EYS: variants seen among roughly 807,000 people sequenced by gnomAD.
EYS encodes the protein EGF-like photoreceptor maintenance factor.
Under a neutral mutation model 282.1 loss-of-function variants are expected in EYS, and 250 were observed. The observed-to-expected ratio is 0.89, with a 90% CI of 0.80 to 0.98. The LOEUF (loss-of-function observed/expected upper bound fraction) is 0.98, where lower values mean the gene tolerates loss of function less well. Ranked by LOEUF, EYS falls within the 50% of genes least tolerant of loss-of-function variation. EYS has a pLI of 0.00. For synonymous variants in EYS, 1,355 were observed against 1,282.9 expected, an observed-to-expected ratio of 1.06 and a Z score of -1.20; for missense variants, 4,016 against 3,709.0, an observed-to-expected ratio of 1.08 and a Z score of -2.15.
intron 2 of EYS, among the ~76,000 whole-genome samples, chr6:65,630,438 A>G (rs1766870484): frequency 6.6e-6 from 1 of 152,226 alleles, no homozygotes; most frequent in Admixed American, 6.5e-5. Context: ...TTCTTAATAG[A>G]GCATTTTTCT....
At chr6:64,723,888 A>G (rs77695316) in intron 22 of EYS, among the ~76,000 whole-genome samples, 2,530 of 152,192 alleles carry the variant, frequency 0.017, 67 homozygotes, top group African/African-American at 0.057. Context: ...CACTGTGCCT[A>G]GTGGTCAGCA....
At chr6:64,009,096 A>G (rs1357816994) in intron 33 of EYS, among the ~76,000 whole-genome samples, 1 of 152,088 alleles carries the variant, frequency 6.6e-6, no homozygotes, top group Admixed American at 6.5e-5. Flanking sequence ...TCTTTCAGGG[A>G]TGCCAATGAG....
chr6:65,187,716 T>G (rs1036191685), intron 12 of EYS, among the ~76,000 whole-genome samples: 1 of 151,728 alleles, frequency 6.6e-6, no homozygotes, highest in Admixed American at 6.6e-5. Flanking sequence ...CAAACTCTTC[T>G]TTGTCAACTG....
chr6:64,194,067 T>C (rs1765203566), intron 31 of EYS, among the ~76,000 whole-genome samples: 1 of 151,512 alleles, frequency 6.6e-6, no homozygotes, highest in Non-Finnish European at 1.5e-5. Context: ...AGAGACGGGG[T>C]TTCACCACGT....
At chr6:64,183,107 AG>A (rs1764835631) in intron 31 of EYS, among the ~76,000 whole-genome samples, 1 of 152,072 alleles carries the variant, frequency 6.6e-6, no homozygotes, top group Admixed American at 6.6e-5. Context: ...TGGTTTTATA[AG>A]GGGCTTCCCT....
At chr6:64,100,038 A>C (rs1028540324) in intron 31 of EYS, among the ~76,000 whole-genome samples, 2 of 152,042 alleles carry the variant, frequency 1.3e-5, no homozygotes, top group African/African-American at 4.8e-5. Flanking sequence ...TTTTCTGAGG[A>C]TATACTTATT....
At chr6:65,560,382 T>C (rs1156404519) in intron 2 of EYS, among the ~76,000 whole-genome samples, 2 of 147,142 alleles carry the variant, frequency 1.4e-5, no homozygotes, top group Non-Finnish European at 3.0e-5. Flanking sequence ...CATTATTATA[T>C]ATTGTATATA....
Position 64,990,851 on chromosome 6 carries a change from C to A in EYS, c.2259+6731G>T, listed in dbSNP as rs546915752. 2.0e-5 allele frequency among the ~76,000 whole-genome samples: 3 copies of A among 151,694 alleles called. No individual in the cohort carries two copies. The South Asian group carries it at 6.2e-4, about 31-fold the overall frequency. On this transcript the variant is annotated intron_variant, in intron 14 of 42. Coordinates refer to ENST00000503581, the MANE Select transcript of EYS (RefSeq NM_001142800.2). ...ATTAAAGCTCACATACTTGTTTACT[C>A]AGGTGAATCAACAAGTCTTTTTCTC...
intron 41 of EYS, among the ~76,000 whole-genome samples, chr6:63,757,885 G>C (rs1249800409): frequency 3.9e-5 from 6 of 152,038 alleles, no homozygotes; most frequent in Non-Finnish European, 8.8e-5. Flanking sequence ...ACTCTATTGA[G>C]AATGAGTTTC....
intron 30 of EYS, among the ~76,000 whole-genome samples, chr6:64,305,713 A>T (rs991977872): frequency 9.2e-5 from 14 of 152,186 alleles, no homozygotes. Context: ...TTGGACCCTT[A>T]CCTAACACCA....
chr6:64,132,899 A>G (rs1429317830), intron 31 of EYS, among the ~76,000 whole-genome samples: 2 of 152,112 alleles, frequency 1.3e-5, no homozygotes, highest in East Asian at 3.9e-4. Context: ...AAATCATGCT[A>G]AGGTATATAT....
chr6:64,165,180 T>C (rs1032247626), intron 31 of EYS, among the ~76,000 whole-genome samples: 3 of 152,016 alleles, frequency 2.0e-5, no homozygotes, highest in African/African-American at 7.2e-5. Flanking sequence ...AATAAATCTG[T>C]TAAAACTAAA....
intron 31 of EYS, among the ~76,000 whole-genome samples, chr6:64,142,321 GTCTT>G (rs1187533195): frequency 2.6e-5 from 4 of 151,976 alleles, no homozygotes; most frequent in African/African-American, 9.7e-5. Context: ...TGTCAGGAAA[GTCTT>G]TCAAGCAGAA....
intron 1 of EYS, among the ~76,000 whole-genome samples, chr6:65,688,732 T>C (rs572951696): frequency 6.6e-6 from 1 of 152,220 alleles, no homozygotes; most frequent in South Asian, 2.1e-4. Flanking sequence ...CAGACACTTC[T>C]CAAAAGAAGA....
intron 18 of EYS, among the ~76,000 whole-genome samples, chr6:64,900,795 A>C (rs1235813155): frequency 6.6e-6 from 1 of 152,288 alleles, no homozygotes; most frequent in East Asian, 1.9e-4. Flanking sequence ...TGTTGGTGGG[A>C]GTGTAAATTA....
At chr6:65,281,235 T>C (rs1158995248) in intron 12 of EYS, among the ~76,000 whole-genome samples, 1 of 151,954 alleles carries the variant, frequency 6.6e-6, no homozygotes, top group African/African-American at 2.4e-5. Flanking sequence ...CTATTTTGAG[T>C]ATATTAATTT....
chr6:64,144,455 T>A (rs1029672755), intron 31 of EYS, among the ~76,000 whole-genome samples: 1 of 152,146 alleles, frequency 6.6e-6, no homozygotes, highest in Non-Finnish European at 1.5e-5. Flanking sequence ...TTATGCACTA[T>A]ACTTCAATTT....
chr6:65,209,125 C>T (rs1766108500), intron 12 of EYS, among the ~76,000 whole-genome samples: 1 of 151,636 alleles, frequency 6.6e-6, no homozygotes, highest in Non-Finnish European at 1.5e-5. Context: ...TCCTGAAGCA[C>T]TTTAAGGTAA....
At chr6:64,332,815 A>T (rs1770697161) in intron 29 of EYS, among the ~76,000 whole-genome samples, 1 of 152,176 alleles carries the variant, frequency 6.6e-6, no homozygotes, top group Non-Finnish European at 1.5e-5. Flanking sequence ...TAGATAAGTA[A>T]ATGTGGATTG....
Sources: allele counts gnomAD v4.1 joint callset (sites outside exome capture counted in the v4.1 genomes callset), GRCh38; gene constraint gnomAD v4.1.1; transcripts MANE v1.5; gene names NCBI Gene and HGNC (gene_info 2026-07-23, HGNC 2026-07-21).